Variants in ANP32B observed in about 807,000 individuals in gnomAD.
ANP32B encodes acidic nuclear phosphoprotein 32 family member B, also known as acidic leucine-rich nuclear phosphoprotein 32 family member B.
A neutral mutation model predicts 32.2 loss-of-function variants in ANP32B; 6 were observed. The observed-to-expected ratio is 0.19, with a 90% CI of 0.10 to 0.37. ANP32B has a LOEUF of 0.37. Among genes scored for constraint, ANP32B ranks in the 10% least tolerant of loss-of-function variants. The probability of loss-of-function intolerance (pLI) is 1.00; values close to 1 mark genes in which losing one functional copy is unlikely to be tolerated. For missense variants in ANP32B, 204 were observed against 289.2 expected (o/e 0.71, Z 2.14); for synonymous variants, 98 against 105.8 (o/e 0.93, Z 0.45).
intron 4 of ANP32B, among the ~76,000 whole-genome samples, chr9:98,007,996 AGAAT>A (rs1828115533): frequency 6.6e-6 from 1 of 152,236 alleles, no homozygotes; most frequent in South Asian, 2.1e-4. Flanking sequence ...TTAGTAACAC[AGAAT>A]GAGTGGTAAA....
chr9:97,984,160 C>CT (rs1025681806), intron 1 of ANP32B, among the ~76,000 whole-genome samples: 23 of 150,128 alleles, frequency 1.5e-4, no homozygotes, highest in African/African-American at 5.6e-4. Flanking sequence ...GAGGAGGGGG[C>CT]TTTTTTCTTT....
rs1397756227 is a variant in ANP32B, at chr9:97,999,064, C to G, written c.327+386C>G. 2.8e-4 allele frequency among the ~76,000 whole-genome samples: 7 copies of G among 24,838 alleles called. 1 individual carries two copies. In the East Asian group the frequency reaches 2.9e-3, roughly 10 times the overall value. 16.3% of individuals were successfully genotyped at this position (24,838 alleles called of 152,430 possible). A position where few individuals can be genotyped will look rare whatever the true frequency, so the allele number is the denominator to read the frequency against. On this transcript the variant is annotated intron_variant, in intron 3 of 6. Transcript: ENST00000339399. ...CCTCGTGATCCGCCCGCCTCGGCCTCCCAAAGTGCTGGGATTACAGGCGTG... is the reference window on the plus strand; with the variant it reads ...CCTCGTGATCCGCCCGCCTCGGCCTGCCAAAGTGCTGGGATTACAGGCGTG...
At chr9:98,014,009 A>G (rs1423506843) in intron 6 of ANP32B, among the ~76,000 whole-genome samples, 1 of 152,080 alleles carries the variant, frequency 6.6e-6, no homozygotes, top group Admixed American at 6.5e-5. Flanking sequence ...CTTGTCTCAA[A>G]TAAAAAGTCT....
At chr9:97,985,635 G>A (rs1827715103) in intron 1 of ANP32B, among the ~76,000 whole-genome samples, 1 of 152,206 alleles carries the variant, frequency 6.6e-6, no homozygotes, top group Admixed American at 6.5e-5. Flanking sequence ...CTTCAGAAAT[G>A]CGTTAAAATC....
At chr9:98,012,876 G>A (rs972264406) in intron 6 of ANP32B, among the ~76,000 whole-genome samples, 2 of 151,988 alleles carry the variant, frequency 1.3e-5, no homozygotes, top group Non-Finnish European at 2.9e-5. Flanking sequence ...GGCTACAGGC[G>A]CCTGCCACCA....
intron 3 of ANP32B, among the ~76,000 whole-genome samples, chr9:98,004,620 A>C (rs939101895): frequency 6.6e-6 from 1 of 152,178 alleles, no homozygotes; most frequent in African/African-American, 2.4e-5. Flanking sequence ...TGATTACTCA[A>C]ATGTTAACAT....
intron 4 of ANP32B, among the ~76,000 whole-genome samples, chr9:98,010,463 A>G (rs1828164300): frequency 6.6e-6 from 1 of 152,112 alleles, no homozygotes; most frequent in South Asian, 2.1e-4. Context: ...AATAATTGCA[A>G]GTAAGCAAAG....
intron 1 of ANP32B, among the ~76,000 whole-genome samples, chr9:97,993,115 G>A (rs1233054235): frequency 6.6e-6 from 1 of 152,110 alleles, no homozygotes; most frequent in Non-Finnish European, 1.5e-5. Flanking sequence ...AAAGAAAAGT[G>A]GAAGGAAGGA....
chr9:97,992,300 G>A (rs1176692342), intron 1 of ANP32B, among the ~76,000 whole-genome samples: 4 of 152,174 alleles, frequency 2.6e-5, no homozygotes, highest in South Asian at 4.1e-4. Flanking sequence ...GTGTTGGCCA[G>A]GCTGTCTTGA....
At chr9:98,002,784 A>G (rs1356887208) in intron 3 of ANP32B, among the ~76,000 whole-genome samples, 1 of 152,230 alleles carries the variant, frequency 6.6e-6, no homozygotes, top group Non-Finnish European at 1.5e-5. Context: ...ATGAAACTAG[A>G]TAGAGAAAGG....
At chr9:98,012,692 T>TG (rs780978384) in intron 6 of ANP32B, among the ~76,000 whole-genome samples, 68 of 152,338 alleles carry the variant, frequency 4.5e-4, no homozygotes, top group Admixed American at 9.8e-4. Flanking sequence ...AGGGTCCTGT[T>TG]GGTCTTCAGT....
chr9:97,984,037 C>A (rs1827651508), intron 1 of ANP32B, among the ~76,000 whole-genome samples: 1 of 149,846 alleles, frequency 6.7e-6, no homozygotes, highest in Non-Finnish European at 1.5e-5. Context: ...CCAGGCCGGG[C>A]TCCGCGCGCC....
intron 2 of ANP32B, among the ~76,000 whole-genome samples, chr9:97,997,401 A>G (rs1228303380): frequency 6.6e-6 from 1 of 152,230 alleles, no homozygotes; most frequent in Non-Finnish European, 1.5e-5. Context: ...ACTCTGCATC[A>G]TATAGTACAT....
intron 3 of ANP32B, among the ~76,000 whole-genome samples, chr9:98,001,004 T>G (rs921792719): frequency 6.6e-6 from 1 of 152,010 alleles, no homozygotes; most frequent in East Asian, 1.9e-4. Flanking sequence ...CCTGTAAATT[T>G]ATTTCATGCC....
At chr9:97,990,414 T>TG (rs1418557280) in intron 1 of ANP32B, among the ~76,000 whole-genome samples, 1 of 152,234 alleles carries the variant, frequency 6.6e-6, no homozygotes, top group Non-Finnish European at 1.5e-5. Context: ...CAGCCCTAAG[T>TG]GGGGCCCTCC....
At chr9:98,011,138 ATAG>A in intron 4 of ANP32B, 130 bp from the exon 5 acceptor site, 3 of 1,318,810 alleles carry the variant, frequency 2.3e-6, no homozygotes, top group Admixed American at 2.9e-5. Context: ...GCTGTAGCAC[ATAG>A]TAGAAAGAAA....
chr9:97,983,399 T>C lies in ANP32B; in HGVS notation c.-157T>C. On this transcript the variant is annotated 5_prime_UTR_variant, in exon 1 of 7. Transcript: ENST00000339399. The stretch of plus-strand genomic sequence containing the variant: ...AGTAACTTGGCTCCGGGGGCTCCGC[T>C]CGCCTGCCCGCACGCCGCCCGCCAC... 1 of 597,964 alleles carries C rather than the reference T, an allele frequency of 1.7e-6. No individual in the cohort carries two copies. Among genetic ancestry groups the C allele is most frequent in the Non-Finnish European group, 2.9e-6 (1 of 345,742 alleles). 37.0% of individuals were successfully genotyped at this position (597,964 alleles called of 1,614,324 possible). A position where few individuals can be genotyped will look rare whatever the true frequency, so the allele number is the denominator to read the frequency against.
intron 5 of ANP32B, among the ~76,000 whole-genome samples, chr9:98,011,596 A>T (rs1828186709): frequency 6.6e-6 from 1 of 152,224 alleles, no homozygotes; most frequent in Non-Finnish European, 1.5e-5. Context: ...TCAAACTAGT[A>T]CGGTTCCTGG....
intron 4 of ANP32B, among the ~76,000 whole-genome samples, chr9:98,008,438 G>T (rs1326187783): frequency 6.6e-6 from 1 of 152,168 alleles, no homozygotes; most frequent in African/African-American, 2.4e-5. Context: ...AATAAGCCAG[G>T]TCAATCGACT....
Sources: allele counts gnomAD v4.1 joint callset (sites outside exome capture counted in the v4.1 genomes callset), GRCh38; gene constraint gnomAD v4.1.1; transcripts MANE v1.5; gene names NCBI Gene and HGNC (gene_info 2026-07-23, HGNC 2026-07-21).